Variants in MFN1 observed in about 807,000 individuals in gnomAD.
MFN1 encodes mitofusin 1.
Under a neutral mutation model 92.4 loss-of-function variants are expected in MFN1, and 65 were observed. That is an observed-to-expected ratio of 0.70 (90% confidence interval 0.58 to 0.86). The LOEUF (loss-of-function observed/expected upper bound fraction) is 0.86. MFN1 is among the 40% of genes least tolerant of loss of function. MFN1 has a pLI of 0.00. For synonymous variants in MFN1, 297 were observed against 300.9 expected, an observed-to-expected ratio of 0.99 and a Z score of 0.13; for missense variants, 781 against 868.0, an observed-to-expected ratio of 0.90 and a Z score of 1.26.
In MFN1 at chr3:179,392,092, G is replaced by A; in HGVS notation, c.*33G>A. 3 of 1,377,988 alleles carry A rather than the reference G, an allele frequency of 2.2e-6. No individual in the cohort carries two copies. The highest frequency in any genetic ancestry group is 1.0e-6 in the Non-Finnish European group (1 of 978,882). 85.4% of individuals were successfully genotyped at this position (1,377,988 alleles called of 1,614,324 possible). A position where few individuals can be genotyped will look rare whatever the true frequency, so the allele number is the denominator to read the frequency against. On this transcript the variant is annotated 3_prime_UTR_variant, in exon 18 of 18. Coordinates refer to ENST00000471841, the MANE Select transcript of MFN1 (RefSeq NM_033540.3). ...GATTGCTTTGGTGACCATGATAGGA[G>A]GAAACGAAACTTGTAAGATTGGAAC...
Position 179,371,823 on chromosome 3 carries a change from A to C in MFN1, c.976-3397A>C, listed in dbSNP as rs575333253. 3.3e-3 allele frequency among the ~76,000 whole-genome samples: 503 copies of C among 152,086 alleles called. 4 individuals carry two copies. Among genetic ancestry groups the C allele is most frequent in the South Asian group, 0.029 (139 of 4,826 alleles). On this transcript the variant is annotated intron_variant, in intron 9 of 17. Coordinates refer to ENST00000471841, the MANE Select transcript of MFN1 (RefSeq NM_033540.3). Reference sequence around the variant, plus strand: ...TAGATAATAGTATTGTCTCAATGGTAAATATTCTGAATACAATTGTTTTGT... The same window carrying C: ...TAGATAATAGTATTGTCTCAATGGTCAATATTCTGAATACAATTGTTTTGT...
Position 179,380,809 on chromosome 3 carries a change from G to A in MFN1, c.1662+1995G>A, listed in dbSNP as rs542576651. 7.9e-5 allele frequency among the ~76,000 whole-genome samples: 12 copies of A among 152,278 alleles called. No individual in the cohort carries two copies. The South Asian group carries it at 2.5e-3, about 32-fold the overall frequency. ...GCTTTTGCCAGCACAAGGAGTTTAG[G>A]ATGAAGGATGCCATATATGCCAGCA... On this transcript the variant is annotated intron_variant, in intron 14 of 17. Coordinates refer to ENST00000471841, the MANE Select transcript of MFN1 (RefSeq NM_033540.3).
Position 179,378,765 on chromosome 3 carries a change from C to A in MFN1, c.1613C>A (p.Pro538His). The change falls in exon 14 of 18, where the codon CCT becomes CAT. Residue 538 changes from proline to histidine, a missense_variant. Pro to His is a moderately conservative substitution (Grantham distance 77). Transcript: ENST00000471841. ...TCCCTTGTACATCGATTTTTGGGCC[C>A]TAGAAATGCTCAAAGGGTGCTCCTA... The part of the protein sequence containing the change: ...WSSLVHRFLG[P>H]RNAQRVLLGL... 4 of 1,613,912 alleles carry A rather than the reference C, an allele frequency of 2.5e-6. No homozygotes were observed. The highest frequency in any genetic ancestry group is 3.4e-6 in the Non-Finnish European group (4 of 1,179,882).
At chr3:179,377,580 A>G (rs1239501995) in intron 12 of MFN1, 132 bp downstream of exon 12, 6 of 545,208 alleles carry the variant, frequency 1.1e-5, no homozygotes, top group East Asian at 3.0e-5. Flanking sequence ...CCCTCTTGTA[A>G]TAAATGTAAA....
chr3:179,358,918 C>T lies in MFN1; in HGVS notation c.327C>T (p.Thr109=). 2 of 1,613,904 alleles carry T rather than the reference C, an allele frequency of 1.2e-6. No individual in the cohort carries two copies. The change falls in exon 4 of 18, where the codon ACC becomes ACT. Residue 109 remains threonine, a synonymous_variant. Transcript: ENST00000471841. ...KVLPSGIGHI[T]NCFLSVEGTD... ...TCCCTAGTGGGATTGGCCATATAAC[C>T]AATTGCTTCCTAAGTGTTGAAGGAA... is the stretch of plus-strand genomic sequence containing the variant.
intron 2 of MFN1, among the ~76,000 whole-genome samples, chr3:179,350,763 T>C (rs564341636): frequency 1.4e-4 from 22 of 152,332 alleles, no homozygotes; most frequent in Admixed American, 5.2e-4. Flanking sequence ...TGGTGAGATA[T>C]GAGAAGCTTA....
chr3:179,361,170 T>C (rs62408871), intron 4 of MFN1, among the ~76,000 whole-genome samples: 10,842 of 152,292 alleles, frequency 0.071, 713 homozygotes, highest in Admixed American at 0.14. Flanking sequence ...GGAATCACTG[T>C]TGTTTTGTGA....
At chr3:179,372,038 ATATAT>A (rs938614852) in intron 9 of MFN1, among the ~76,000 whole-genome samples, 7 of 147,182 alleles carry the variant, frequency 4.8e-5, no homozygotes, top group African/African-American at 1.7e-4. Context: ...CATGTATTAT[ATATAT>A]TATATATATT....
intron 15 of MFN1, 121 bp from the exon 16 acceptor site, chr3:179,386,312 A>G (rs1713681595): frequency 2.7e-6 from 2 of 736,112 alleles, no homozygotes; most frequent in Non-Finnish European, 4.4e-6. Context: ...ATGGAGAAGG[A>G]ATATACATTT....
chr3:179,369,251 A>C (rs1048231820), intron 9 of MFN1, among the ~76,000 whole-genome samples: 2 of 151,876 alleles, frequency 1.3e-5, no homozygotes, highest in African/African-American at 4.8e-5. Flanking sequence ...TCCCTCTGTT[A>C]TCCAGGCTGG....
rs1319534597 is a variant in MFN1 at position 179,393,380 on chromosome 3, TTA to T, written c.*1323_*1324del. On this transcript the variant is annotated 3_prime_UTR_variant, in exon 18 of 18. Transcript: ENST00000471841. ...CGCAGTACATTTGGCCACATGTAGT[TTA>T]TGTTTCCTTTTCATGGGAGGGATAA... 1.3e-5 allele frequency: 2 copies of T among 152,186 alleles called. No homozygotes were observed. The highest frequency in any genetic ancestry group is 2.4e-5 in the African/African-American group (1 of 41,442). The allele number at this position is 152,186 out of a possible 1,614,324, so 9.4% of individuals were successfully genotyped here. A position where few individuals can be genotyped will look rare whatever the true frequency, so the allele number is the denominator to read the frequency against.
intron 16 of MFN1, among the ~76,000 whole-genome samples, chr3:179,388,550 T>A (rs1220285952): frequency 1.3e-5 from 2 of 152,180 alleles, no homozygotes; most frequent in African/African-American, 4.8e-5. Context: ...ATTTAAAAAT[T>A]CTTTGAGTTC....
chr3:179,362,406 G>A lies in MFN1; in HGVS notation c.460G>A (p.Ala154Thr). 1.2e-6 allele frequency: 2 copies of A among 1,613,414 alleles called. No homozygotes were observed. The highest frequency in any genetic ancestry group is 8.5e-7 in the Non-Finnish European group (1 of 1,179,948). Residue 154 changes from alanine to threonine, a missense_variant, in exon 5 of 18, where the codon GCT becomes ACT. Ala to Thr is a moderately conservative substitution (Grantham distance 58). Coordinates refer to ENST00000471841, the MANE Select transcript of MFN1 (RefSeq NM_033540.3). The part of the protein sequence containing the change: ...HALHMDKDLK[A>T]GCLVRVFWPK... The stretch of plus-strand genomic sequence containing the variant: ...CCTTCACATGGACAAAGATTTGAAA[G>A]CTGGCTGTCTTGTACGTGTGTTTTG...
In MFN1 at chr3:179,365,140, T is replaced by C. The variant is rs748616096; in HGVS notation, c.668T>C (p.Val223Ala). The C allele has an allele frequency of 1.3e-6, 2 of 1,549,068 alleles. No homozygotes were observed. The highest frequency in any genetic ancestry group is 8.6e-7 in the Non-Finnish European group (1 of 1,156,540). The part of the protein sequence containing the change: ...MNTEKHFFHK[V>A]NERLSKPNIF... ...CAGGAAAAACACTTTTTTCACAAGG[T>C]GAATGAGCGGCTTTCCAAGCCTAAT... Residue 223 changes from valine (V) to alanine (A), a missense_variant, in exon 7 of 18, where the codon GTG becomes GCG. Physicochemically the swap from Val to Ala is moderately conservative, Grantham distance 64. Coordinates refer to ENST00000471841, the MANE Select transcript of MFN1 (RefSeq NM_033540.3).
At position 179,385,725 on chromosome 3, in the gene MFN1, A is replaced by G. The variant is rs1268353226; in HGVS notation, c.1815+4A>G. ...CATCATTATTGTTGGAGGAGTGGTA[A>G]GAAACATTACTTTTAGTATAATTAA... On this transcript the variant is annotated splice_donor_region_variant and intron_variant, in intron 15 of 17. Coordinates refer to ENST00000471841, the MANE Select transcript of MFN1 (RefSeq NM_033540.3). 1.2e-6 allele frequency: 2 copies of G among 1,611,542 alleles called. No homozygotes were observed. The highest frequency in any genetic ancestry group is 4.5e-5 in the East Asian group (2 of 44,838).
Position 179,364,386 on chromosome 3 carries a change from A to C in MFN1, c.626A>C (p.Glu209Ala), listed in dbSNP as rs749149646. ...ADVFVLVANS[E>A]STLMNTEKHF... ...GTCTTTGTTTTGGTCGCAAACTCTG[A>C]ATCAACACTAATGAATACGGTAGGA... Residue 209 changes from glutamate (E) to alanine (A), a missense_variant, in exon 6 of 18, where the codon GAA becomes GCA. Coordinates refer to ENST00000471841, the MANE Select transcript of MFN1 (RefSeq NM_033540.3). 4 of 1,608,264 alleles carry C rather than the reference A, an allele frequency of 2.5e-6. No homozygotes were observed. The highest frequency in any genetic ancestry group is 3.3e-5 in the Admixed American group (2 of 59,992).
At position 179,358,830 on chromosome 3, in the gene MFN1, T is replaced by C. The variant is rs775389962; in HGVS notation, c.249-10T>C. The stretch of plus-strand genomic sequence containing the variant: ...ATGTTTTGTTTTTCATGATTTTGTA[T>C]ATTCTTCAGGACAAGCAGTGGGAAG... On this transcript the variant is annotated splice_polypyrimidine_tract_variant and intron_variant, in intron 3 of 17. Coordinates refer to ENST00000471841, the MANE Select transcript of MFN1 (RefSeq NM_033540.3). The C allele has an allele frequency of 1.6e-5, 25 of 1,603,316 alleles. No homozygotes were observed. The highest frequency in any genetic ancestry group is 2.0e-5 in the Non-Finnish European group (24 of 1,174,936).
chr3:179,367,282 C>T (rs536330854), intron 7 of MFN1, among the ~76,000 whole-genome samples, 157 bp from the exon 8 acceptor site: 8 of 152,316 alleles, frequency 5.3e-5, no homozygotes, highest in African/African-American at 1.4e-4. Flanking sequence ...TTCCTGTCAT[C>T]AAGTATCAAA....
Position 179,348,925 on chromosome 3 carries a change from T to TA in MFN1, c.75dup (p.Leu26ThrfsTer6). 6.2e-7 allele frequency: 1 copy of TA among 1,605,104 alleles called. No individual in the cohort carries two copies. The highest frequency in any genetic ancestry group is 2.2e-5 in the East Asian group (1 of 44,596). ...GCGATTACTGCAATCTTTGACCAGT[T>TA]ACTGGAGTTTGTTACTGAAGGATCA... On this transcript the variant is annotated frameshift_variant, in exon 2 of 18. Transcript: ENST00000471841. LOFTEE classifies it high-confidence loss of function.
Sources: gnomAD v4.1 joint callset for allele counts (sites outside exome capture counted in the v4.1 genomes callset) on GRCh38, gnomAD v4.1.1 for gene constraint, MANE v1.5 for transcripts, NCBI Gene and HGNC (gene_info 2026-07-23, HGNC 2026-07-21) for gene names.